The following PDE4D variants were observed in gnomAD, a reference collection of about 807,000 sequenced individuals.
The protein encoded by PDE4D is phosphodiesterase 4D, also known as 3',5'-cyclic-AMP phosphodiesterase 4D.
In PDE4D, 24 loss-of-function variants were observed where a neutral mutation model predicts 87.4. The ratio of observed to expected loss-of-function variants is 0.27; its 90% CI spans 0.20 to 0.39. PDE4D has a LOEUF of 0.39. Ranked by LOEUF, PDE4D falls within the 10% of genes least tolerant of loss-of-function variation. PDE4D has a pLI of 1.00. For missense variants in PDE4D, 714 were observed against 1,041.0 expected, an observed-to-expected ratio of 0.69 and a Z score of 4.32; for synonymous variants, 384 against 383.2, an observed-to-expected ratio of 1.00 and a Z score of -0.02.
At chr5:59,640,347 A>C (rs1296925294) in intron 1 of PDE4D, among the ~76,000 whole-genome samples, 1 of 152,010 alleles carries the variant, frequency 6.6e-6, no homozygotes, top group Non-Finnish European at 1.5e-5. Flanking sequence ...TCTTCCTCTC[A>C]CCCTTCAGCT....
At chr5:59,065,855 A>T (rs1763848395) in intron 5 of PDE4D, among the ~76,000 whole-genome samples, 1 of 152,190 alleles carries the variant, frequency 6.6e-6, no homozygotes, top group Non-Finnish European at 1.5e-5. Flanking sequence ...AAGAAAGTCC[A>T]TTCTATACCA....
intron 6 of PDE4D, among the ~76,000 whole-genome samples, chr5:59,011,988 G>A (rs1752906400): frequency 6.6e-6 from 1 of 152,198 alleles, no homozygotes; most frequent in African/African-American, 2.4e-5. Context: ...GAAGAGAGTG[G>A]GGGCCAATAT....
chr5:59,429,034 G>A (rs1795723545), intron 1 of PDE4D, among the ~76,000 whole-genome samples: 1 of 152,052 alleles, frequency 6.6e-6, no homozygotes, highest in Admixed American at 6.6e-5. Flanking sequence ...GAAATTTTCT[G>A]GGTCTATGCA....
intron 1 of PDE4D, among the ~76,000 whole-genome samples, chr5:59,394,104 T>G (rs556473414): frequency 1.3e-5 from 2 of 149,362 alleles, no homozygotes; most frequent in South Asian, 4.3e-4. Context: ...CTTCAGTTGC[T>G]AAAATATACT....
At chr5:59,837,473 T>A (rs893239678) in intron 1 of PDE4D, among the ~76,000 whole-genome samples, 1 of 152,064 alleles carries the variant, frequency 6.6e-6, no homozygotes, top group Non-Finnish European at 1.5e-5. Context: ...TATGCTCCAC[T>A]AGGGCAGGAA....
intron 1 of PDE4D, among the ~76,000 whole-genome samples, chr5:59,602,840 A>T (rs1827702118): frequency 6.6e-6 from 1 of 152,124 alleles, no homozygotes; most frequent in South Asian, 2.1e-4. Context: ...AAAAACAGAC[A>T]TATAGACCAA....
At chr5:60,388,244 G>A (rs547377355) in intron 1 of PDE4D, among the ~76,000 whole-genome samples, 15 of 152,076 alleles carry the variant, frequency 9.9e-5, no homozygotes, top group Non-Finnish European at 2.2e-4. Context: ...AATGTGATTG[G>A]ACAAAAAGTG....
chr5:60,386,308 T>A (rs1174794205), intron 1 of PDE4D, among the ~76,000 whole-genome samples: 2 of 152,214 alleles, frequency 1.3e-5, no homozygotes, highest in Non-Finnish European at 2.9e-5. Context: ...TGCCTCTTTA[T>A]TAGCAGTGAT....
intron 1 of PDE4D, among the ~76,000 whole-genome samples, chr5:60,453,389 A>G (rs1746239569): frequency 1.3e-5 from 2 of 152,150 alleles, no homozygotes; most frequent in African/African-American, 2.4e-5. Flanking sequence ...TTCAACACAC[A>G]TGAGAACTTC....
intron 2 of PDE4D, among the ~76,000 whole-genome samples, chr5:60,184,073 A>AT (rs1323291261): frequency 1.3e-5 from 2 of 152,124 alleles, no homozygotes; most frequent in African/African-American, 4.8e-5. Context: ...CCAAGATAAA[A>AT]TTTTTTGCAT....
At chr5:60,345,310 G>C (rs1160151144) in intron 1 of PDE4D, among the ~76,000 whole-genome samples, 1 of 152,080 alleles carries the variant, frequency 6.6e-6, no homozygotes, top group South Asian at 2.1e-4. Context: ...GTGGGGGAAG[G>C]GGGAGAGGGA....
intron 1 of PDE4D, among the ~76,000 whole-genome samples, chr5:59,278,265 A>C (rs919972675): frequency 1.3e-5 from 2 of 151,994 alleles, no homozygotes; most frequent in Non-Finnish European, 2.9e-5. Context: ...AGCTTCCCCA[A>C]ATGGAAAAGA....
At chr5:59,216,039 C>T (rs571506122) in intron 1 of PDE4D, 71 bp from the exon 2 acceptor site, 244 of 1,146,038 alleles carry the variant, frequency 2.1e-4, no homozygotes, top group African/African-American at 4.2e-4. Flanking sequence ...AAGCATTTAG[C>T]GTCAGCTGAG....
intron 1 of PDE4D, among the ~76,000 whole-genome samples, chr5:60,414,335 AT>A (rs1308500197): frequency 1.3e-5 from 2 of 152,210 alleles, no homozygotes; most frequent in African/African-American, 4.8e-5. Flanking sequence ...ATTATTGAGT[AT>A]TTTTATGGGT....
At chr5:59,691,345 A>G (rs1032287075) in intron 1 of PDE4D, among the ~76,000 whole-genome samples, 3 of 152,168 alleles carry the variant, frequency 2.0e-5, no homozygotes. Context: ...GATAGACTGG[A>G]TTAAGAAAAT....
At chr5:58,999,547 T>C in intron 6 of PDE4D, 1 of 1,409,930 alleles carries the variant, frequency 7.1e-7, no homozygotes, top group Non-Finnish European at 9.4e-7. Flanking sequence ...TTTTGATTGA[T>C]TATATGTATA....
At chr5:60,305,038 TACACACACACACAC>T (rs35539982) in intron 1 of PDE4D, among the ~76,000 whole-genome samples, 4 of 135,844 alleles carry the variant, frequency 2.9e-5, no homozygotes, top group Admixed American at 1.5e-4. Flanking sequence ...TTTTGAGCTA[TACACACACACACAC>T]ACACACACAC....
At chr5:60,428,959 T>C (rs772087008) in intron 1 of PDE4D, among the ~76,000 whole-genome samples, 8 of 152,326 alleles carry the variant, frequency 5.3e-5, no homozygotes, top group Non-Finnish European at 1.2e-4. Context: ...CAAAAGGCAA[T>C]AACTTGGGTG....
At chr5:59,437,093 A>T (rs1220662858) in intron 1 of PDE4D, among the ~76,000 whole-genome samples, 1 of 152,192 alleles carries the variant, frequency 6.6e-6, no homozygotes, top group African/African-American at 2.4e-5. Context: ...AACCTATTAT[A>T]TATCCAAAGT....
Sources: allele counts gnomAD v4.1 joint callset (sites outside exome capture counted in the v4.1 genomes callset), GRCh38; gene constraint gnomAD v4.1.1; transcripts MANE v1.5; gene names NCBI Gene and HGNC (gene_info 2026-07-23, HGNC 2026-07-21).